The following ADAMTS6 variants were observed in gnomAD, a reference collection of about 807,000 sequenced individuals.
ADAMTS6 encodes the protein ADAM metallopeptidase with thrombospondin type 1 motif 6, also known as A disintegrin and metalloproteinase with thrombospondin motifs 6.
In ADAMTS6, 23 loss-of-function variants were observed where a neutral mutation model predicts 144.3. That is an observed-to-expected ratio of 0.16 (90% CI 0.11 to 0.23). The LOEUF is 0.23. Ranked by LOEUF, ADAMTS6 falls within the 10% of genes least tolerant of loss-of-function variation. The probability of loss-of-function intolerance (pLI) is 1.00; values close to 1 mark genes in which losing one functional copy is unlikely to be tolerated. For missense variants in ADAMTS6, 999 were observed against 1,379.6 expected (o/e 0.72, Z 4.37); for synonymous variants, 444 against 457.5 (o/e 0.97, Z 0.38).
chr5:65,289,305 C>T (rs1290780100), intron 11 of ADAMTS6, among the ~76,000 whole-genome samples: 2 of 152,156 alleles, frequency 1.3e-5, no homozygotes, highest in African/African-American at 2.4e-5. Context: ...GAGGCCGAGG[C>T]GGGCTGATCA....
intron 8 of ADAMTS6, among the ~76,000 whole-genome samples, chr5:65,330,820 C>T (rs935508136): frequency 1.3e-5 from 2 of 151,916 alleles, no homozygotes; most frequent in African/African-American, 4.8e-5. Context: ...ACTGGTGATA[C>T]CCCTGGGCTG....
chr5:65,157,570 ATG>A lies in ADAMTS6; in HGVS notation c.3245-5627_3245-5626del, dbSNP rs77525665. On this transcript the variant is annotated intron_variant, in intron 24 of 24. Transcript: ENST00000381055. Reference sequence around the variant, plus strand: ...TGCCCTCTGTTTCTGTAAACTCCTTATGTGGTTCAGAAGAAGAAAACAGTAAG... The same window carrying A: ...TGCCCTCTGTTTCTGTAAACTCCTTATGGTTCAGAAGAAGAAAACAGTAAG... Among the ~76,000 whole-genome samples the A allele has an allele frequency of 5.9e-5, 9 of 152,340 alleles. No homozygotes were observed. The East Asian group carries it at 1.4e-3, about 23-fold the overall frequency.
intron 15 of ADAMTS6, among the ~76,000 whole-genome samples, chr5:65,241,079 G>A (rs1759135329): frequency 2.0e-5 from 3 of 151,912 alleles, no homozygotes; most frequent in South Asian, 2.1e-4. Flanking sequence ...AATGGATAGG[G>A]AGAAGAACAG....
chr5:65,359,792 T>A (rs779583295), intron 7 of ADAMTS6, among the ~76,000 whole-genome samples: 1 of 151,022 alleles, frequency 6.6e-6, no homozygotes, highest in Non-Finnish European at 1.5e-5. Flanking sequence ...TCGTGTAGAG[T>A]CTAAAAAAAA....
At chr5:65,353,101 A>G (rs1749012567) in intron 7 of ADAMTS6, among the ~76,000 whole-genome samples, 1 of 152,012 alleles carries the variant, frequency 6.6e-6, no homozygotes, top group South Asian at 2.1e-4. Flanking sequence ...AATTAATGCT[A>G]TAATAATAAC....
At chr5:65,312,081 G>C (rs1744546769) in intron 9 of ADAMTS6, among the ~76,000 whole-genome samples, 1 of 151,990 alleles carries the variant, frequency 6.6e-6, no homozygotes, top group South Asian at 2.1e-4. Flanking sequence ...AAAATAAATA[G>C]ATGATCAGTC....
chr5:65,468,073 T>G (rs1242327267), intron 3 of ADAMTS6, among the ~76,000 whole-genome samples: 1 of 152,092 alleles, frequency 6.6e-6, no homozygotes, highest in Non-Finnish European at 1.5e-5. Context: ...AAACAAAACC[T>G]GAGTAAGAAA....
intron 7 of ADAMTS6, among the ~76,000 whole-genome samples, chr5:65,430,755 A>G (rs1290621407): frequency 6.6e-6 from 1 of 152,190 alleles, no homozygotes; most frequent in African/African-American, 2.4e-5. Context: ...ATTCTCAAAT[A>G]AGCCAAGCTC....
At chr5:65,287,246 T>C (rs1252990354) in intron 11 of ADAMTS6, among the ~76,000 whole-genome samples, 1 of 152,056 alleles carries the variant, frequency 6.6e-6, no homozygotes, top group East Asian at 1.9e-4. Flanking sequence ...AAAATGACTT[T>C]AGAGAAGGTC....
At chr5:65,274,665 T>A (rs1762314138) in intron 11 of ADAMTS6, among the ~76,000 whole-genome samples, 1 of 151,626 alleles carries the variant, frequency 6.6e-6, no homozygotes, top group Non-Finnish European at 1.5e-5. Flanking sequence ...ATATATAGTG[T>A]CTATTAAGGT....
chr5:65,437,752 A>G (rs542513227), intron 7 of ADAMTS6, among the ~76,000 whole-genome samples: 2 of 152,310 alleles, frequency 1.3e-5, no homozygotes, highest in Admixed American at 6.5e-5. Context: ...TAAATTACCT[A>G]TAATACCTAG....
chr5:65,418,410 A>C (rs1408330265), intron 7 of ADAMTS6, among the ~76,000 whole-genome samples: 1 of 152,076 alleles, frequency 6.6e-6, no homozygotes, highest in Non-Finnish European at 1.5e-5. Context: ...ACAGCAAAAA[A>C]AACTATCAAC....
intron 9 of ADAMTS6, among the ~76,000 whole-genome samples, chr5:65,313,980 A>G (rs1220165184): frequency 6.6e-6 from 1 of 152,088 alleles, no homozygotes; most frequent in East Asian, 1.9e-4. Flanking sequence ...TAAAAAAAAT[A>G]TATATAAGAC....
At chr5:65,420,980 G>A (rs1473859316) in intron 7 of ADAMTS6, among the ~76,000 whole-genome samples, 1 of 152,086 alleles carries the variant, frequency 6.6e-6, no homozygotes, top group Non-Finnish European at 1.5e-5. Flanking sequence ...TGAGTCTCTT[G>A]AAAAAAGCAG....
chr5:65,274,361 G>A (rs1457406363), intron 11 of ADAMTS6, among the ~76,000 whole-genome samples: 2 of 151,754 alleles, frequency 1.3e-5, no homozygotes, highest in African/African-American at 4.8e-5. Context: ...AATGTTACAA[G>A]TTTTTAACTT....
chr5:65,365,706 GAATTTCT>G (rs1186020183), intron 7 of ADAMTS6, among the ~76,000 whole-genome samples: 11 of 151,224 alleles, frequency 7.3e-5, no homozygotes, highest in Non-Finnish European at 1.5e-4. Flanking sequence ...ATTTGGAACA[GAATTTCT>G]AAGGGACTAG....
intron 22 of ADAMTS6, among the ~76,000 whole-genome samples, chr5:65,187,004 A>G (rs996961874): frequency 3.3e-5 from 5 of 152,218 alleles, no homozygotes; most frequent in African/African-American, 1.2e-4. Context: ...ACAACGTTTA[A>G]TATTTTTGTT....
Position 65,277,836 on chromosome 5 carries a change from T to A in ADAMTS6, c.1513-4389A>T, listed in dbSNP as rs146299470. Among the ~76,000 whole-genome samples the A allele has an allele frequency of 1.2e-3, 190 of 152,272 alleles. 2 individuals carry two copies. The East Asian group carries it at 0.02, about 16-fold the overall frequency. On this transcript the variant is annotated intron_variant, in intron 11 of 24. Coordinates refer to ENST00000381055, the MANE Select transcript of ADAMTS6 (RefSeq NM_197941.4). ...TGACCCGCTGCCCAAGACTTTTTTT[T>A]AAATTTTTTATTTCAATAACGTTTG...
intron 12 of ADAMTS6, among the ~76,000 whole-genome samples, chr5:65,266,428 A>C (rs1314587247): frequency 6.6e-6 from 1 of 152,000 alleles, no homozygotes; most frequent in Non-Finnish European, 1.5e-5. Context: ...AACAAACATT[A>C]ATGGGTAAAT....
Sources: gnomAD v4.1 joint callset for allele counts (sites outside exome capture counted in the v4.1 genomes callset) on GRCh38, gnomAD v4.1.1 for gene constraint, MANE v1.5 for transcripts, NCBI Gene and HGNC (gene_info 2026-07-23, HGNC 2026-07-21) for gene names.